Variants in DPP10 observed in about 807,000 individuals in gnomAD.
DPP10 encodes dipeptidyl peptidase like 10, also known as inactive dipeptidyl peptidase 10.
Under a neutral mutation model 120.9 loss-of-function variants are expected in DPP10, and 33 were observed. The observed-to-expected ratio is 0.27, with a 90% confidence interval of 0.21 to 0.37. The LOEUF is 0.37. Among genes scored for constraint, DPP10 ranks in the 10% least tolerant of loss-of-function variants. The pLI is 1.00. For missense variants in DPP10, 816 were observed against 942.8 expected (o/e 0.87, Z 1.76); for synonymous variants, 337 against 326.1 (o/e 1.03, Z -0.36).
At chr2:114,687,612 TAGATTGGATACTA>T (rs372243715) in intron 1 of DPP10, among the ~76,000 whole-genome samples, 22 of 152,120 alleles carry the variant, frequency 1.4e-4, no homozygotes, top group African/African-American at 5.3e-4. Flanking sequence ...CACAGAATCC[TAGATTGGATACTA>T]AGAAAGGATG....
chr2:114,662,007 C>CAA (rs1210054014), intron 1 of DPP10, among the ~76,000 whole-genome samples: 4 of 130,754 alleles, frequency 3.1e-5, no homozygotes, highest in Admixed American at 7.7e-5. Flanking sequence ...ACTCCGTCTC[C>CAA]AAAAAAAAAA....
At chr2:114,903,668 T>G (rs1487445872) in intron 1 of DPP10, among the ~76,000 whole-genome samples, 1 of 152,210 alleles carries the variant, frequency 6.6e-6, no homozygotes, top group African/African-American at 2.4e-5. Context: ...CAAAATTATA[T>G]GTTGAAGCCC....
intron 1 of DPP10, among the ~76,000 whole-genome samples, chr2:114,545,710 C>T (rs928388395): frequency 2.1e-4 from 32 of 152,138 alleles, no homozygotes; most frequent in Non-Finnish European, 4.0e-4. Flanking sequence ...ATTTTTCAGC[C>T]GCTTGTGGTG....
intron 1 of DPP10, among the ~76,000 whole-genome samples, chr2:114,664,913 T>C (rs1323031463): frequency 6.6e-6 from 1 of 151,436 alleles, no homozygotes; most frequent in Non-Finnish European, 1.5e-5. Context: ...ATCCAAAAGA[T>C]GGCAGAGAGC....
intron 3 of DPP10, among the ~76,000 whole-genome samples, chr2:115,398,086 TA>T (rs1255168205): frequency 6.6e-6 from 1 of 152,198 alleles, no homozygotes; most frequent in African/African-American, 2.4e-5. Context: ...GCATATAATT[TA>T]AAGACATATT....
At chr2:115,195,478 T>G (rs563697345) in intron 1 of DPP10, among the ~76,000 whole-genome samples, 1 of 152,224 alleles carries the variant, frequency 6.6e-6, no homozygotes, top group Non-Finnish European at 1.5e-5. Flanking sequence ...CAAAAATCTG[T>G]CCAGCTATTC....
At chr2:115,482,219 T>G in intron 3 of DPP10, among the ~76,000 whole-genome samples, 1 of 152,038 alleles carries the variant, frequency 6.6e-6, no homozygotes, top group Middle Eastern at 3.4e-3. Flanking sequence ...AAATTCACCC[T>G]TTTATTTTTT....
intron 1 of DPP10, among the ~76,000 whole-genome samples, chr2:114,805,221 T>C (rs1460467959): frequency 1.3e-5 from 2 of 152,212 alleles, no homozygotes; most frequent in Non-Finnish European, 2.9e-5. Flanking sequence ...TTCTTCCCAG[T>C]CTCAGATATG....
chr2:115,272,827 T>G (rs1257935556), intron 1 of DPP10, among the ~76,000 whole-genome samples: 6 of 152,246 alleles, frequency 3.9e-5, no homozygotes, highest in Admixed American at 3.9e-4. Context: ...GTGAGGCTAT[T>G]CAGGGTTCTG....
At chr2:114,976,169 T>C (rs1286659804) in intron 1 of DPP10, among the ~76,000 whole-genome samples, 1 of 152,250 alleles carries the variant, frequency 6.6e-6, no homozygotes, top group African/African-American at 2.4e-5. Context: ...TTAAACTACA[T>C]ATTTCATTTT....
chr2:114,806,629 A>G (rs1684738121), intron 1 of DPP10, among the ~76,000 whole-genome samples: 1 of 152,224 alleles, frequency 6.6e-6, no homozygotes, highest in Non-Finnish European at 1.5e-5. Context: ...TGTCTTAATA[A>G]TCTGAGCAAG....
chr2:115,335,704 C>G (rs983366300), intron 2 of DPP10, among the ~76,000 whole-genome samples: 1 of 151,996 alleles, frequency 6.6e-6, no homozygotes, highest in Non-Finnish European at 1.5e-5. Flanking sequence ...TTTCATCTAG[C>G]TGTGCAAGGA....
intron 3 of DPP10, among the ~76,000 whole-genome samples, chr2:115,442,623 A>G (rs2072185867): frequency 6.6e-6 from 1 of 152,148 alleles, no homozygotes; most frequent in Non-Finnish European, 1.5e-5. Context: ...GATGCCATTT[A>G]TTTAATGGCT....
chr2:115,482,662 C>T (rs1379164774), intron 3 of DPP10, among the ~76,000 whole-genome samples: 1 of 151,954 alleles, frequency 6.6e-6, no homozygotes, highest in South Asian at 2.1e-4. Flanking sequence ...CTTTCAGTTA[C>T]ATTCATATTT....
chr2:114,903,668 T>C (rs1487445872), intron 1 of DPP10, among the ~76,000 whole-genome samples: 2 of 152,210 alleles, frequency 1.3e-5, no homozygotes, highest in Admixed American at 1.3e-4. Flanking sequence ...CAAAATTATA[T>C]GTTGAAGCCC....
intron 1 of DPP10, among the ~76,000 whole-genome samples, chr2:114,630,317 C>T (rs1165637153): frequency 6.6e-6 from 1 of 152,116 alleles, no homozygotes; most frequent in Admixed American, 6.5e-5. Flanking sequence ...CTCAGAAAGA[C>T]AACTGGAACT....
At chr2:115,056,388 T>G (rs1221896059) in intron 1 of DPP10, among the ~76,000 whole-genome samples, 1 of 152,146 alleles carries the variant, frequency 6.6e-6, no homozygotes, top group Non-Finnish European at 1.5e-5. Context: ...CTTCTTCTTC[T>G]TCTTTCAAGA....
intron 1 of DPP10, among the ~76,000 whole-genome samples, chr2:114,519,081 A>G (rs1233510503): frequency 1.3e-5 from 2 of 152,106 alleles, no homozygotes; most frequent in East Asian, 1.9e-4. Flanking sequence ...CCTGATCTGA[A>G]TTTTCTATGA....
In DPP10 at chr2:115,640,735, C is replaced by T. The variant is rs1055315742; in HGVS notation, c.442-48952C>T. ...ATTTAGGTTCTGCTGGGAAGCTTTA[C>T]GAGATTATTGAATACCTTTCTAGCA... On this transcript the variant is annotated intron_variant, in intron 5 of 25. Coordinates refer to ENST00000410059, the MANE Select transcript of DPP10 (RefSeq NM_020868.6). Among the ~76,000 whole-genome samples, 13 of 152,156 alleles carry T rather than the reference C, an allele frequency of 8.5e-5. No homozygotes were observed. The South Asian group carries it at 1.2e-3, about 15-fold the overall frequency.
Sources: gnomAD v4.1 joint callset for allele counts (sites outside exome capture counted in the v4.1 genomes callset) on GRCh38, gnomAD v4.1.1 for gene constraint, MANE v1.5 for transcripts, NCBI Gene and HGNC (gene_info 2026-07-23, HGNC 2026-07-21) for gene names.